The following SEMA5A variants were observed in gnomAD, a reference collection of about 807,000 sequenced individuals.
The protein encoded by SEMA5A is semaphorin 5A.
In SEMA5A, 55 loss-of-function variants were observed where a neutral mutation model predicts 135.5. The ratio of observed to expected loss-of-function variants is 0.41; its 90% CI spans 0.33 to 0.51. The LOEUF (loss-of-function observed/expected upper bound fraction) is 0.51. Ranked by LOEUF, SEMA5A falls within the 20% of genes least tolerant of loss-of-function variation. SEMA5A has a pLI of 0.37. For synonymous variants in SEMA5A, 580 were observed against 546.5 expected (o/e 1.06, Z -0.85); for missense variants, 1,290 against 1,419.9 (o/e 0.91, Z 1.47).
chr5:9,405,125 G>C (rs147487004), intron 2 of SEMA5A, among the ~76,000 whole-genome samples: 3,117 of 152,220 alleles, frequency 0.02, 48 homozygotes, highest in Non-Finnish European at 0.03. Context: ...TTCTGAGACC[G>C]TGTGCACATC....
intron 14 of SEMA5A, among the ~76,000 whole-genome samples, chr5:9,122,121 T>A (rs1015707157): frequency 2.6e-5 from 4 of 152,050 alleles, no homozygotes; most frequent in African/African-American, 4.8e-5. Context: ...GTAAAAAAAA[T>A]AAATAAATAA....
In SEMA5A at chr5:9,197,318, A is replaced by T. The variant is rs1745447317; in HGVS notation, c.933-15T>A. 6.3e-7 allele frequency: 1 copy of T among 1,588,434 alleles called. No individual in the cohort carries two copies. The highest frequency in any genetic ancestry group is 1.5e-5 in the African/African-American group (1 of 66,368). On this transcript the variant is annotated splice_polypyrimidine_tract_variant and intron_variant, in intron 9 of 22. Transcript: ENST00000382496. ...CAATGCTGTTCCTGGGAGCGGAGGGAGAGAGAGAAGGCAGTCAGAGAGCTC... is the reference window on the plus strand; with the variant it reads ...CAATGCTGTTCCTGGGAGCGGAGGGTGAGAGAGAAGGCAGTCAGAGAGCTC...
chr5:9,191,042 T>C (rs576651575), intron 10 of SEMA5A, among the ~76,000 whole-genome samples: 1 of 152,232 alleles, frequency 6.6e-6, no homozygotes, highest in Admixed American at 6.5e-5. Context: ...TATTTCCAAT[T>C]AGAAGAAATT....
At chr5:9,060,815 C>A (rs1306285419) in intron 18 of SEMA5A, among the ~76,000 whole-genome samples, 1 of 152,126 alleles carries the variant, frequency 6.6e-6, no homozygotes, top group Non-Finnish European at 1.5e-5. Context: ...CATTATCCAC[C>A]CTTCCAAGCA....
rs552334525 is a variant in SEMA5A, at chr5:9,037,902, T to A, written c.*4995A>T. 2.6e-5 allele frequency: 4 copies of A among 152,342 alleles called. No homozygotes were observed. The highest frequency in any genetic ancestry group is 4.1e-4 in the South Asian group (2 of 4,828). The allele number at this position is 152,342 out of a possible 1,614,324, so 9.4% of individuals were successfully genotyped here. On this transcript the variant is annotated 3_prime_UTR_variant, in exon 23 of 23. Coordinates refer to ENST00000382496, the MANE Select transcript of SEMA5A (RefSeq NM_003966.3). ...TCCCCTGTCCCCAAACATTTTATCT[T>A]ACATTGTGCATGGCATTCCCTTTTA... is the stretch of plus-strand genomic sequence containing the variant.
At chr5:9,373,191 T>C (rs40652) in intron 3 of SEMA5A, among the ~76,000 whole-genome samples, 48,031 of 151,980 alleles carry the variant, frequency 0.32, 7,783 homozygotes, top group South Asian at 0.36. Context: ...AAGCAATGCA[T>C]GCAACACACA....
intron 22 of SEMA5A, among the ~76,000 whole-genome samples, chr5:9,043,971 T>G (rs1464337541): frequency 6.6e-6 from 1 of 152,192 alleles, no homozygotes; most frequent in Admixed American, 6.5e-5. Context: ...TTGGGCTTCC[T>G]CCCTACTCTA....
intron 2 of SEMA5A, among the ~76,000 whole-genome samples, chr5:9,429,026 T>C (rs1442439868): frequency 6.6e-6 from 1 of 152,210 alleles, no homozygotes; most frequent in Non-Finnish European, 1.5e-5. Context: ...CTACTTTAAA[T>C]TGCCATTGCA....
chr5:9,482,762 C>T (rs1048943188), intron 1 of SEMA5A, among the ~76,000 whole-genome samples: 2 of 152,338 alleles, frequency 1.3e-5, no homozygotes, highest in African/African-American at 4.8e-5. Context: ...GCACCCCTGG[C>T]ACAGGAAGTG....
At chr5:9,495,196 C>T (rs1392271031) in intron 1 of SEMA5A, among the ~76,000 whole-genome samples, 1 of 152,172 alleles carries the variant, frequency 6.6e-6, no homozygotes, top group African/African-American at 2.4e-5. Context: ...TCAGGGATAC[C>T]TGGCGTCCCT....
intron 3 of SEMA5A, among the ~76,000 whole-genome samples, chr5:9,355,943 T>C (rs921902592): frequency 5.9e-5 from 9 of 152,216 alleles, no homozygotes; most frequent in Admixed American, 2.0e-4. Context: ...TTCAGAGCGA[T>C]GGCTATGACG....
intron 8 of SEMA5A, among the ~76,000 whole-genome samples, chr5:9,202,460 T>C (rs1046645589): frequency 1.3e-5 from 2 of 152,170 alleles, no homozygotes; most frequent in Non-Finnish European, 2.9e-5. Flanking sequence ...ACTGGTATGA[T>C]TACACACTCA....
At chr5:9,154,091 ATATG>A (rs1264930732) in intron 12 of SEMA5A, among the ~76,000 whole-genome samples, 11 of 80,188 alleles carry the variant, frequency 1.4e-4, no homozygotes, top group African/African-American at 5.1e-4. Context: ...ATATATATAT[ATATG>A]TGTGTGTGTG....
intron 5 of SEMA5A, among the ~76,000 whole-genome samples, chr5:9,255,789 T>C (rs1465078387): frequency 6.6e-6 from 1 of 152,220 alleles, no homozygotes; most frequent in Non-Finnish European, 1.5e-5. Context: ...TGTCCATTAC[T>C]GGAAAGTATT....
chr5:9,280,847 T>C (rs557690199), intron 5 of SEMA5A: 1 of 412,146 alleles, frequency 2.4e-6, no homozygotes, highest in East Asian at 7.3e-5. Context: ...AAATGTAACG[T>C]TTTAGCAAAT....
chr5:9,272,584 G>A (rs927181697), intron 5 of SEMA5A, among the ~76,000 whole-genome samples: 1 of 152,146 alleles, frequency 6.6e-6, no homozygotes, highest in African/African-American at 2.4e-5. Flanking sequence ...CTCCCAGTAG[G>A]GGCCGACAGA....
chr5:9,131,872 G>A (rs1287317945), intron 13 of SEMA5A, among the ~76,000 whole-genome samples: 1 of 151,884 alleles, frequency 6.6e-6, no homozygotes, highest in Non-Finnish European at 1.5e-5. Context: ...ACATCATATG[G>A]TACCCTGGTC....
chr5:9,110,072 G>A (rs1194750391), intron 15 of SEMA5A, among the ~76,000 whole-genome samples: 1 of 152,184 alleles, frequency 6.6e-6, no homozygotes, highest in African/African-American at 2.4e-5. Context: ...ACCCCTGTCA[G>A]CATTTTGGAA....
At chr5:9,173,111 T>C (rs1228791940) in intron 11 of SEMA5A, among the ~76,000 whole-genome samples, 1 of 152,196 alleles carries the variant, frequency 6.6e-6, no homozygotes, top group Non-Finnish European at 1.5e-5. Flanking sequence ...GTTTCTGTTT[T>C]GGGATTAGTC....
Sources: gnomAD v4.1 joint callset for allele counts (sites outside exome capture counted in the v4.1 genomes callset) on GRCh38, gnomAD v4.1.1 for gene constraint, MANE v1.5 for transcripts, NCBI Gene and HGNC (gene_info 2026-07-23, HGNC 2026-07-21) for gene names.